ACOXL: variants seen among roughly 807,000 people sequenced by gnomAD.
ACOXL encodes acyl-CoA oxidase like.
ACOXL carries 70 observed loss-of-function variants against 71.9 expected under a neutral mutation model. The ratio of observed to expected loss-of-function variants is 0.97; its 90% CI spans 0.80 to 1.19. The LOEUF (loss-of-function observed/expected upper bound fraction) is 1.19. Ranked by LOEUF, ACOXL falls within the 50% of genes most tolerant of loss-of-function variation. The probability of loss-of-function intolerance (pLI) is 0.00; values close to 1 mark genes in which losing one functional copy is unlikely to be tolerated. For missense variants in ACOXL, 703 were observed against 736.3 expected (o/e 0.95, Z 0.52); for synonymous variants, 253 against 281.6 (o/e 0.90, Z 1.02).
chr2:110,876,817 A>G (rs1257970437), intron 10 of ACOXL, among the ~76,000 whole-genome samples: 7 of 152,348 alleles, frequency 4.6e-5, no homozygotes, highest in Non-Finnish European at 1.0e-4. Flanking sequence ...ACCCTGCTCT[A>G]GGCATTATAG....
chr2:111,117,842 C>A lies in ACOXL; in HGVS notation c.*26C>A. 3 of 1,535,638 alleles carry A rather than the reference C, an allele frequency of 2.0e-6. No individual in the cohort carries two copies. In the South Asian group the frequency reaches 3.6e-5, roughly 18 times the overall value. ...CGGGTGTGGCGGGAAGTGTGGTGGC[C>A]CGCCAGCAGCTGCCACGACGCTCGC... On this transcript the variant is annotated 3_prime_UTR_variant, in exon 18 of 18. Transcript: ENST00000439055.
At chr2:110,734,740 T>C (rs1454621816) in intron 1 of ACOXL, among the ~76,000 whole-genome samples, 1 of 152,034 alleles carries the variant, frequency 6.6e-6, no homozygotes. Flanking sequence ...GGAACAAAAT[T>C]GTAATAACCA....
At position 110,942,980 on chromosome 2, in the gene ACOXL, TGGGA is replaced by T. The variant is rs202168301; in HGVS notation, c.1059+9353_1059+9356del. Among the ~76,000 whole-genome samples, 135 of 50,954 alleles carry T rather than the reference TGGGA, an allele frequency of 2.6e-3. 1 individual carries two copies. The East Asian group carries it at 0.046, about 17-fold the overall frequency. 33.4% of individuals were successfully genotyped at this position (50,954 alleles called of 152,430 possible). A position where few individuals can be genotyped will look rare whatever the true frequency, so the allele number is the denominator to read the frequency against. On this transcript the variant is annotated intron_variant, in intron 12 of 17. Coordinates refer to ENST00000439055, the MANE Select transcript of ACOXL (RefSeq NM_001142807.4). ...GAAAGAAAAGAAAAAAAAAGAAGAG[TGGGA>T]GGGAGGGAGGGAGGAAGGAAGGAAA...
intron 12 of ACOXL, among the ~76,000 whole-genome samples, chr2:110,975,100 A>G (rs1223444166): frequency 6.6e-6 from 1 of 152,192 alleles, no homozygotes; most frequent in African/African-American, 2.4e-5. Context: ...TCAAATTTGA[A>G]CTGAGGAAGA....
intron 11 of ACOXL, among the ~76,000 whole-genome samples, chr2:110,921,673 A>G (rs150772715): frequency 0.011 from 1,622 of 151,886 alleles, 28 homozygotes; most frequent in African/African-American, 0.035. Context: ...GATTACAGGC[A>G]TGAGCCACCG....
At chr2:110,968,194 GGCCAA>G in intron 12 of ACOXL, 7 of 1,117,830 alleles carry the variant, frequency 6.3e-6, no homozygotes, top group Non-Finnish European at 9.4e-6. Flanking sequence ...CATCTATGAA[GGCCAA>G]GTGTAGGTGA....
chr2:110,934,315 A>G (rs1209434229), intron 12 of ACOXL, among the ~76,000 whole-genome samples: 2 of 152,160 alleles, frequency 1.3e-5, no homozygotes, highest in Non-Finnish European at 2.9e-5. Flanking sequence ...GACCTGTGAC[A>G]TGGTGGCACG....
intron 17 of ACOXL, among the ~76,000 whole-genome samples, chr2:111,096,975 C>T (rs1012757510): frequency 6.6e-6 from 1 of 152,122 alleles, no homozygotes; most frequent in Non-Finnish European, 1.5e-5. Flanking sequence ...AAATTTCTTG[C>T]TTAGTGCTGA....
Position 110,788,357 on chromosome 2 carries a change from A to T in ACOXL, c.159+3542A>T, listed in dbSNP as rs1237221086. On this transcript the variant is annotated intron_variant, in intron 3 of 17. Coordinates refer to ENST00000439055, the MANE Select transcript of ACOXL (RefSeq NM_001142807.4). The stretch of plus-strand genomic sequence containing the variant: ...TGCCACCATGTGGATGAACCTTGAA[A>T]TTATTAAGTGAAGTAAGCCAGACAT... 1.3e-5 allele frequency among the ~76,000 whole-genome samples: 2 copies of T among 152,226 alleles called. 1 individual carries two copies. The highest frequency in any genetic ancestry group is 3.8e-4 in the East Asian group (2 of 5,204).
At chr2:110,915,350 A>ATATATG (rs1491355100) in intron 11 of ACOXL, among the ~76,000 whole-genome samples, 3 of 113,634 alleles carry the variant, frequency 2.6e-5, no homozygotes, top group African/African-American at 9.5e-5. Flanking sequence ...ATATATATAT[A>ATATATG]TGTGTGTGTG....
At chr2:111,108,166 T>C (rs2069675428) in intron 17 of ACOXL, among the ~76,000 whole-genome samples, 1 of 152,124 alleles carries the variant, frequency 6.6e-6, no homozygotes, top group East Asian at 1.9e-4. Context: ...GATTATATTA[T>C]TATATTCTCC....
chr2:111,000,517 G>C (rs1407348156), intron 14 of ACOXL, among the ~76,000 whole-genome samples: 3 of 152,180 alleles, frequency 2.0e-5, no homozygotes, highest in Non-Finnish European at 2.9e-5. Flanking sequence ...CCACAGACTA[G>C]GTGGCTTAAA....
chr2:110,932,688 T>C (rs1242835495), intron 11 of ACOXL, among the ~76,000 whole-genome samples: 1 of 152,242 alleles, frequency 6.6e-6, no homozygotes, highest in African/African-American at 2.4e-5. Flanking sequence ...ATTTGGAACC[T>C]GATCCTATGT....
chr2:110,870,159 C>A (rs1695099521), intron 10 of ACOXL, among the ~76,000 whole-genome samples: 1 of 152,188 alleles, frequency 6.6e-6, no homozygotes, highest in Non-Finnish European at 1.5e-5. Flanking sequence ...AGGGTGTTTC[C>A]CAGAGTCCCA....
At chr2:110,902,538 A>T (rs916322694) in intron 10 of ACOXL, among the ~76,000 whole-genome samples, 7 of 152,220 alleles carry the variant, frequency 4.6e-5, no homozygotes, top group African/African-American at 1.4e-4. Flanking sequence ...GTGTGCAGCG[A>T]GGTCCCTTCC....
At chr2:111,079,264 G>A (rs1313110553) in intron 16 of ACOXL, among the ~76,000 whole-genome samples, 2 of 151,992 alleles carry the variant, frequency 1.3e-5, no homozygotes, top group South Asian at 2.1e-4. Context: ...CCAGCCTCTC[G>A]ACCTTCTGAG....
In ACOXL at chr2:110,745,090, T is replaced by C. The variant is rs1323073342; in HGVS notation, c.-23+12316T>C. Among the ~76,000 whole-genome samples the C allele has an allele frequency of 5.3e-5, 8 of 152,238 alleles. No homozygotes were observed. In the East Asian group the frequency reaches 1.5e-3, roughly 29 times the overall value. On this transcript the variant is annotated intron_variant, in intron 1 of 17. Coordinates refer to ENST00000439055, the MANE Select transcript of ACOXL (RefSeq NM_001142807.4). ...TTGCTTGCAACCCTAAGCACTGTTATTAGCATAAGTAGTTGCTCCTGTTTC... is the reference window on the plus strand; with the variant it reads ...TTGCTTGCAACCCTAAGCACTGTTACTAGCATAAGTAGTTGCTCCTGTTTC...
intron 10 of ACOXL, among the ~76,000 whole-genome samples, chr2:110,861,566 T>A (rs572346238): frequency 1.3e-5 from 2 of 151,898 alleles, no homozygotes; most frequent in East Asian, 1.9e-4. Context: ...ACTCAAAATC[T>A]AACCCCGGCT....
Position 111,118,520 on chromosome 2 carries a change from G to A in ACOXL, c.*704G>A, listed in dbSNP as rs2070499136. Among the ~76,000 whole-genome samples, 1 of 152,188 alleles carries A rather than the reference G, an allele frequency of 6.6e-6. No homozygotes were observed. Among genetic ancestry groups the A allele is most frequent in the Non-Finnish European group, 1.5e-5 (1 of 68,032 alleles). On this transcript the variant is annotated 3_prime_UTR_variant, in exon 18 of 18. Transcript: ENST00000439055. Reference sequence around the variant, plus strand: ...TCCTTTAGAAGAGAATAGGTGAAAAGTTTAATAAAGAAATTAAGCGATGTG... The same window carrying A: ...TCCTTTAGAAGAGAATAGGTGAAAAATTTAATAAAGAAATTAAGCGATGTG...
Sources: allele counts gnomAD v4.1 joint callset (sites outside exome capture counted in the v4.1 genomes callset), GRCh38; gene constraint gnomAD v4.1.1; transcripts MANE v1.5; gene names NCBI Gene and HGNC (gene_info 2026-07-23, HGNC 2026-07-21).